ANKRD26: variants seen among roughly 807,000 people sequenced by gnomAD.
ANKRD26 encodes ankyrin repeat domain 26, also known as ankyrin repeat domain-containing protein 26.
ANKRD26 carries 141 observed loss-of-function variants against 208.7 expected under a neutral mutation model. The observed-to-expected ratio is 0.68, with a 90% CI of 0.59 to 0.78. The LOEUF is 0.78. Ranked by LOEUF, ANKRD26 falls within the 30% of genes least tolerant of loss-of-function variation. The pLI, the probability that ANKRD26 is intolerant of heterozygous loss-of-function variation, is 0.00. For synonymous variants in ANKRD26, 636 were observed against 660.4 expected (o/e 0.96, Z 0.57); for missense variants, 1,889 against 1,938.7 (o/e 0.97, Z 0.48).
chr10:27,075,402 T>C (rs2055660272), intron 9 of ANKRD26, among the ~76,000 whole-genome samples: 1 of 152,186 alleles, frequency 6.6e-6, no homozygotes, highest in South Asian at 2.1e-4. Flanking sequence ...TGGAAAAAGA[T>C]ATTTCACACA....
chr10:26,972,026 G>A (rs1039467496), downstream of ANKRD26, among the ~76,000 whole-genome samples: 21 of 152,116 alleles, frequency 1.4e-4, no homozygotes, highest in African/African-American at 4.6e-4. Flanking sequence ...ACAAAGTCAG[G>A]AGATCGAGAC....
intron 26 of ANKRD26, 94 bp downstream of exon 26, chr10:27,029,191 TG>T: frequency 7.2e-7 from 1 of 1,398,230 alleles, no homozygotes; most frequent in Non-Finnish European, 9.9e-7. Context: ...TTCACACAGA[TG>T]TACTTATGAT....
intron 5 of ANKRD26, among the ~76,000 whole-genome samples, chr10:27,085,662 C>T (rs534997402): frequency 6.6e-6 from 1 of 152,090 alleles, no homozygotes; most frequent in Admixed American, 6.6e-5. Context: ...TGAGTTCCCC[C>T]TTTTAAAGAT....
intron 12 of ANKRD26, among the ~76,000 whole-genome samples, chr10:27,063,557 G>A (rs2055139565): frequency 6.6e-6 from 1 of 152,138 alleles, no homozygotes; most frequent in South Asian, 2.1e-4. Context: ...CTGACCTCAA[G>A]TGATCTGCCC....
At position 27,086,761 on chromosome 10, in the gene ANKRD26, C is replaced by CTTT. The variant is rs1255812481; in HGVS notation, c.639-155_639-153dup. Reference sequence around the variant, plus strand: ...ACTTCAAATATGTAAGCTCTACAAACTTTTTTGTTTTTTTTTTTTTTTTTT... The same window carrying CTTT: ...ACTTCAAATATGTAAGCTCTACAAACTTTTTTTTTGTTTTTTTTTTTTTTTTTT... On this transcript the variant is annotated intron_variant, in intron 4 of 33. Transcript: ENST00000376087. 2,775 of 376,894 alleles carry CTTT rather than the reference C, an allele frequency of 7.4e-3. 69 individuals carry two copies. Among genetic ancestry groups the CTTT allele is most frequent in the African/African-American group, 0.038 (1,311 of 34,914 alleles). The allele number at this position is 376,894 out of a possible 1,614,324, so 23.3% of individuals were successfully genotyped here.
chr10:26,976,918 G>A (rs937406004), intron 5 of ANKRD26, among the ~76,000 whole-genome samples: 1 of 152,102 alleles, frequency 6.6e-6, no homozygotes, highest in Non-Finnish European at 1.5e-5. Flanking sequence ...TATTTTCAGA[G>A]GACTACGAAC....
At chr10:26,992,469 TACAC>T (rs61459601) in intron 5 of ANKRD26, among the ~76,000 whole-genome samples, 23,960 of 136,302 alleles carry the variant, frequency 0.18, 4,658 homozygotes, top group African/African-American at 0.48. Context: ...TACACACACG[TACAC>T]ACACACACAC....
chr10:27,035,627 T>C lies in ANKRD26; in HGVS notation c.2823A>G (p.Lys941=), dbSNP rs747862050. ...IKNQNQEKEK[K]CFEDLKIVKE... ...TTACAATTTTAAGGTCCTCAAAACA[T>C]TTCTTTTCTTTTTCCTGGTTTTGAT... Residue 941 remains lysine (K), a synonymous_variant, in exon 24 of 34, where the codon AAA becomes AAG. Transcript: ENST00000376087. 2 of 1,592,634 alleles carry C rather than the reference T, an allele frequency of 1.3e-6. No individual in the cohort carries two copies. Among genetic ancestry groups the C allele is most frequent in the South Asian group, 1.2e-5 (1 of 85,958 alleles).
At chr10:27,100,060 A>G (rs1344509124) in intron 1 of ANKRD26, 25 bp downstream of exon 1, 1 of 1,613,240 alleles carries the variant, frequency 6.2e-7, no homozygotes, top group South Asian at 1.1e-5. Flanking sequence ...AGTGGCACTC[A>G]GTCCGGGCTT....
chr10:27,039,939 A>G, intron 21 of ANKRD26, 26 bp downstream of exon 21: 1 of 1,594,950 alleles, frequency 6.3e-7, no homozygotes. Context: ...ATAGTTAAAC[A>G]TTTCTTTAAA....
intron 9 of ANKRD26, among the ~76,000 whole-genome samples, chr10:27,075,133 C>T (rs2055650931): frequency 6.6e-6 from 1 of 152,190 alleles, no homozygotes; most frequent in Non-Finnish European, 1.5e-5. Flanking sequence ...AGAATAGAAA[C>T]TTCTGAAAGC....
At chr10:26,989,466 G>A (rs1380074921), downstream of ANKRD26, among the ~76,000 whole-genome samples, 4 of 152,178 alleles carry the variant, frequency 2.6e-5, no homozygotes, top group Admixed American at 1.3e-4. Context: ...TAAGGATGTT[G>A]AGAAGATTGC....
chr10:27,053,635 G>A (rs1037530590), intron 15 of ANKRD26, among the ~76,000 whole-genome samples: 3 of 152,108 alleles, frequency 2.0e-5, no homozygotes, highest in African/African-American at 7.2e-5. Flanking sequence ...ATACTTCTAA[G>A]TATCAACTTA....
exon 6 of ANKRD26, among the ~76,000 whole-genome samples, chr10:26,975,937 T>C (rs1303194915): frequency 6.6e-6 from 1 of 152,058 alleles, no homozygotes; most frequent in African/African-American, 2.4e-5. Context: ...TTACGTAGGA[T>C]AAGATTATTG....
intron 9 of ANKRD26, among the ~76,000 whole-genome samples, chr10:27,076,533 G>A (rs1361900325): frequency 6.6e-6 from 1 of 152,036 alleles, no homozygotes; most frequent in Non-Finnish European, 1.5e-5. Flanking sequence ...CCAAAGTGCT[G>A]GGATTACAGG....
intron 21 of ANKRD26, 71 bp from the exon 22 acceptor site, chr10:27,038,125 C>T: frequency 2.4e-6 from 3 of 1,269,684 alleles, no homozygotes; most frequent in African/African-American, 1.5e-5. Flanking sequence ...TGATATGCCG[C>T]TTTGTATGTT....
chr10:26,988,006 G>A (rs915260849), downstream of ANKRD26, among the ~76,000 whole-genome samples: 3 of 152,108 alleles, frequency 2.0e-5, no homozygotes, highest in African/African-American at 7.2e-5. Context: ...GTATGAATAG[G>A]GAGAAAGGCA....
At chr10:26,995,581 C>T (rs2052573665) in intron 4 of ANKRD26, among the ~76,000 whole-genome samples, 1 of 152,170 alleles carries the variant, frequency 6.6e-6, no homozygotes, top group African/African-American at 2.4e-5. Context: ...GTATCCAGTT[C>T]CTACAATAGC....
intron 16 of ANKRD26, chr10:27,051,847 CAGG>C (rs2135377251): frequency 1.0e-6 from 1 of 985,340 alleles, no homozygotes; most frequent in Non-Finnish European, 1.2e-6. Context: ...GACTCTTCCC[CAGG>C]AGAAGCAGTA....
Sources: allele counts gnomAD v4.1 joint callset (sites outside exome capture counted in the v4.1 genomes callset), GRCh38; gene constraint gnomAD v4.1.1; transcripts MANE v1.5; gene names NCBI Gene and HGNC (gene_info 2026-07-23, HGNC 2026-07-21).